The following FBN1 variants were observed in gnomAD, a reference collection of about 807,000 sequenced individuals.
The protein encoded by FBN1 is fibrillin-1.
Under a neutral mutation model 365.1 loss-of-function variants are expected in FBN1, and 29 were observed. The ratio of observed to expected loss-of-function variants is 0.08; its 90% CI spans 0.06 to 0.11. The LOEUF is 0.11. Ranked by LOEUF, FBN1 falls within the 10% of genes least tolerant of loss-of-function variation. FBN1 has a pLI of 1.00. For synonymous variants in FBN1, 1,210 were observed against 1,270.5 expected, an observed-to-expected ratio of 0.95 and a Z score of 1.01; for missense variants, 2,476 against 3,703.2, an observed-to-expected ratio of 0.67 and a Z score of 8.60.
At position 48,644,678 on chromosome 15, in the gene FBN1, G is replaced by A; in HGVS notation, c.92C>T (p.Ala31Val). ...GGCTCTGGTTTCCTTCACGTTCCCA[G>A]CCTCCAAATTGGCGTCCGCCCCATG... ...TSHGADANLE[A>V]GNVKETRASR... Residue 31 changes from alanine to valine, a missense_variant, in exon 2 of 66, where the codon GCT (alanine) becomes GTT (valine). By Grantham distance (64) the Ala-to-Val change is moderately conservative. Coordinates refer to ENST00000316623, the MANE Select transcript of FBN1 (RefSeq NM_000138.5). The A allele has an allele frequency of 6.2e-7, 1 of 1,613,896 alleles. No individual in the cohort carries two copies. Among genetic ancestry groups the A allele is most frequent in the Non-Finnish European group, 8.5e-7 (1 of 1,180,014 alleles).
Position 48,518,065 on chromosome 15 carries a change from C to T in FBN1, c.1148-1703G>A, listed in dbSNP as rs1483260084. On this transcript the variant is annotated intron_variant, in intron 10 of 65. Coordinates refer to ENST00000316623, the MANE Select transcript of FBN1 (RefSeq NM_000138.5). ...CAAGTTTATGTTTTCAGATAATTCT[C>T]TTACAGCATTTTAATTACGATTTCA... is the stretch of plus-strand genomic sequence containing the variant. Among the ~76,000 whole-genome samples, 3 of 152,138 alleles carry T rather than the reference C, an allele frequency of 2.0e-5. No homozygotes were observed. The East Asian group carries it at 5.8e-4, about 29-fold the overall frequency.
intron 45 of FBN1, among the ~76,000 whole-genome samples, chr15:48,450,506 A>G (rs1039030177): frequency 6.6e-6 from 1 of 152,238 alleles, no homozygotes; most frequent in African/African-American, 2.4e-5. Flanking sequence ...AGGTTGGGAT[A>G]GGAGGTCTGA....
chr15:48,614,288 C>T (rs1210434968), intron 2 of FBN1, among the ~76,000 whole-genome samples: 2 of 152,202 alleles, frequency 1.3e-5, no homozygotes, highest in Non-Finnish European at 2.9e-5. Context: ...AATTCCAAAG[C>T]TTACTGGTAT....
chr15:48,521,077 AT>A (rs1385557573), intron 9 of FBN1, among the ~76,000 whole-genome samples: 1 of 152,214 alleles, frequency 6.6e-6, no homozygotes, highest in Non-Finnish European at 1.5e-5. Flanking sequence ...GGAACGAGTG[AT>A]TAAAACCATG....
intron 24 of FBN1, among the ~76,000 whole-genome samples, chr15:48,491,354 CT>C (rs906446030): frequency 2.0e-3 from 291 of 142,586 alleles, no homozygotes; most frequent in Non-Finnish European, 2.4e-3. Context: ...TTTTTCTTTT[CT>C]TTTTTTTTTT....
At chr15:48,415,090 C>T (rs1428989626) in intron 64 of FBN1, among the ~76,000 whole-genome samples, 2 of 151,894 alleles carry the variant, frequency 1.3e-5, no homozygotes, top group Non-Finnish European at 2.9e-5. Flanking sequence ...AATTTTCAAC[C>T]CAAAGGGATG....
At chr15:48,597,991 G>A (rs1311498493) in intron 5 of FBN1, among the ~76,000 whole-genome samples, 1 of 152,084 alleles carries the variant, frequency 6.6e-6, no homozygotes, top group Admixed American at 6.5e-5. Context: ...TGATTCTCCT[G>A]GAATGCCTTG....
chr15:48,582,625 T>C (rs16961190), intron 6 of FBN1, among the ~76,000 whole-genome samples: 1,901 of 152,260 alleles, frequency 0.012, 39 homozygotes, highest in African/African-American at 0.044. Flanking sequence ...GAAGCCAGGA[T>C]TGCATGACAT....
intron 4 of FBN1, among the ~76,000 whole-genome samples, chr15:48,608,192 C>T (rs920635638): frequency 1.6e-4 from 25 of 152,206 alleles, no homozygotes; most frequent in African/African-American, 6.0e-4. Context: ...CCTGAAAGAA[C>T]AACACTTCTT....
intron 6 of FBN1, among the ~76,000 whole-genome samples, chr15:48,539,645 G>A (rs1326852374): frequency 5.9e-5 from 9 of 152,126 alleles, no homozygotes; most frequent in African/African-American, 1.9e-4. Flanking sequence ...ATGCAAACAG[G>A]TCAAAAATTG....
At chr15:48,538,287 T>G (rs897493045) in intron 6 of FBN1, among the ~76,000 whole-genome samples, 3 of 152,208 alleles carry the variant, frequency 2.0e-5, no homozygotes, top group African/African-American at 7.2e-5. Flanking sequence ...AAGCTTGCAG[T>G]GAGGCAAGTC....
intron 17 of FBN1, among the ~76,000 whole-genome samples, chr15:48,500,222 A>G (rs1157576723): frequency 6.6e-6 from 1 of 152,224 alleles, no homozygotes; most frequent in Non-Finnish European, 1.5e-5. Context: ...TACTGTAAGT[A>G]ATAAAACAAG....
chr15:48,539,310 C>T, intron 6 of FBN1, among the ~76,000 whole-genome samples: 1 of 152,096 alleles, frequency 6.6e-6, no homozygotes, highest in East Asian at 1.9e-4. Context: ...CTGAAGAATT[C>T]CAAAAACAAA....
chr15:48,630,623 T>A (rs1217879301), intron 2 of FBN1, among the ~76,000 whole-genome samples: 1 of 151,810 alleles, frequency 6.6e-6, no homozygotes, highest in Middle Eastern at 3.4e-3. Flanking sequence ...ATTTGAGGTT[T>A]ATTTTTTTCC....
chr15:48,411,063 T>G lies in FBN1; in HGVS notation c.8543A>C (p.Lys2848Thr), dbSNP rs765839151. 3.7e-6 allele frequency: 6 copies of G among 1,613,848 alleles called. No individual in the cohort carries two copies. Among genetic ancestry groups the G allele is most frequent in the Non-Finnish European group, 5.1e-6 (6 of 1,179,964 alleles). The change falls in exon 66 of 66, where the codon AAA (lysine) becomes ACA (threonine). Residue 2848 changes from lysine to threonine, a missense_variant. Coordinates refer to ENST00000316623, the MANE Select transcript of FBN1 (RefSeq NM_000138.5). ...KKKELNQLED[K>T]YDKDYLSGEL... ...ACCACTGAGGTAGTCTTTGTCATAT[T>G]TGTCTTCTAGTTGGTTAAGTTCTTT...
At chr15:48,524,456 AC>A in intron 9 of FBN1, among the ~76,000 whole-genome samples, 1 of 152,258 alleles carries the variant, frequency 6.6e-6, no homozygotes, top group Non-Finnish European at 1.5e-5. Flanking sequence ...TCTCATCACT[AC>A]GGATAATTTT....
intron 6 of FBN1, among the ~76,000 whole-genome samples, chr15:48,585,991 T>C (rs551836540): frequency 1.8e-4 from 27 of 152,324 alleles, no homozygotes; most frequent in African/African-American, 6.5e-4. Flanking sequence ...TTTATGCTGA[T>C]AGAAGTATTT....
At chr15:48,454,107 T>C (rs2043221773) in intron 44 of FBN1, among the ~76,000 whole-genome samples, 1 of 152,218 alleles carries the variant, frequency 6.6e-6, no homozygotes, top group Non-Finnish European at 1.5e-5. Flanking sequence ...GCAGAATGTC[T>C]CAAATCTTAA....
At chr15:48,610,677 G>A (rs1379959446) in intron 4 of FBN1, 51 bp downstream of exon 4, 12 of 1,351,254 alleles carry the variant, frequency 8.9e-6, no homozygotes, top group Non-Finnish European at 1.3e-5. Flanking sequence ...AGGAGAAAAT[G>A]GGGTATAACC....
Sources: allele counts gnomAD v4.1 joint callset (sites outside exome capture counted in the v4.1 genomes callset), GRCh38; gene constraint gnomAD v4.1.1; transcripts MANE v1.5; gene names NCBI Gene and HGNC (gene_info 2026-07-23, HGNC 2026-07-21).